The following SLC6A15 variants were observed in gnomAD, a reference collection of about 807,000 sequenced individuals.
SLC6A15 encodes the protein solute carrier family 6 member 15, also known as sodium-dependent neutral amino acid transporter B(0)AT2.
SLC6A15 carries 33 observed loss-of-function variants against 68.5 expected under a neutral mutation model. The ratio of observed to expected loss-of-function variants is 0.48; its 90% confidence interval spans 0.37 to 0.64. The LOEUF is 0.64. Among genes scored for constraint, SLC6A15 ranks in the 30% least tolerant of loss-of-function variants. SLC6A15 has a pLI of 0.00. For synonymous variants in SLC6A15, 347 were observed against 301.0 expected, an observed-to-expected ratio of 1.15 and a Z score of -1.58; for missense variants, 747 against 874.3, an observed-to-expected ratio of 0.85 and a Z score of 1.84.
chr12:84,869,017 A>T (rs1276257209), intron 9 of SLC6A15, among the ~76,000 whole-genome samples: 1 of 152,200 alleles, frequency 6.6e-6, no homozygotes, highest in Non-Finnish European at 1.5e-5. Flanking sequence ...TATAGCTATC[A>T]ATATTAACAG....
chr12:84,891,395 T>C (rs565761595), intron 2 of SLC6A15, among the ~76,000 whole-genome samples: 2 of 152,312 alleles, frequency 1.3e-5, no homozygotes, highest in East Asian at 3.9e-4. Flanking sequence ...TATCATTTTG[T>C]ATTTTTTGAA....
chr12:84,886,860 CTAAA>C (rs967815496), intron 2 of SLC6A15, among the ~76,000 whole-genome samples: 1 of 151,868 alleles, frequency 6.6e-6, no homozygotes, highest in African/African-American at 2.4e-5. Context: ...CAAAAGGTAC[CTAAA>C]TAGTTTGACA....
intron 4 of SLC6A15, among the ~76,000 whole-genome samples, chr12:84,884,838 T>C (rs998428153): frequency 2.0e-5 from 3 of 151,914 alleles, no homozygotes; most frequent in African/African-American, 7.2e-5. Flanking sequence ...TTTAGAGTAA[T>C]TATATATTGA....
chr12:84,869,283 C>T (rs1014356175), intron 9 of SLC6A15, among the ~76,000 whole-genome samples: 1 of 151,794 alleles, frequency 6.6e-6, no homozygotes, highest in African/African-American at 2.4e-5. Flanking sequence ...CACGGTGAAA[C>T]CCCGTCTCTA....
intron 1 of SLC6A15, among the ~76,000 whole-genome samples, chr12:84,906,207 T>C (rs146745282): frequency 1.3e-5 from 2 of 152,254 alleles, no homozygotes; most frequent in Non-Finnish European, 2.9e-5. Flanking sequence ...ATCATTAAAC[T>C]GACATAATTA....
chr12:84,903,390 AAAAAT>A (rs1328517089), intron 1 of SLC6A15, among the ~76,000 whole-genome samples: 4 of 152,306 alleles, frequency 2.6e-5, no homozygotes, highest in South Asian at 2.1e-4. Context: ...AAGTATAACA[AAAAAT>A]AAAATAAAAT....
chr12:84,883,341 C>T (rs1871919413), intron 5 of SLC6A15: 3 of 990,620 alleles, frequency 3.0e-6, no homozygotes, highest in Non-Finnish European at 3.6e-6. Context: ...CTCTGAATTC[C>T]TTGTTGGAAT....
Position 84,883,140 on chromosome 12 carries a change from G to T in SLC6A15, c.756+719C>A, listed in dbSNP as rs1466519465. 1.6e-5 allele frequency: 16 copies of T among 977,646 alleles called. No individual in the cohort carries two copies. The Admixed American group carries it at 3.2e-4, about 19-fold the overall frequency. The allele number at this position is 977,646 out of a possible 1,614,324, so 60.6% of individuals were successfully genotyped here. A position where few individuals can be genotyped will look rare whatever the true frequency, so the allele number is the denominator to read the frequency against. ...AGATGTGGAGAGCTTTAGAACAATG[G>T]CTGTGATAATGAAAAAAAAAAAAAA... On this transcript the variant is annotated intron_variant, in intron 5 of 11. Transcript: ENST00000266682.
intron 11 of SLC6A15, 131 bp downstream of exon 11, chr12:84,863,308 C>G: frequency 1.6e-6 from 1 of 627,282 alleles, no homozygotes. Flanking sequence ...ACGTAAATCT[C>G]ATATCCTTGC....
intron 5 of SLC6A15, chr12:84,882,110 A>G (rs755440092): frequency 3.0e-6 from 3 of 985,314 alleles, no homozygotes; most frequent in African/African-American, 1.7e-5. Context: ...AAGTGATGCT[A>G]AGACACAGAC....
intron 1 of SLC6A15, among the ~76,000 whole-genome samples, chr12:84,898,560 T>A (rs1182896528): frequency 6.6e-6 from 1 of 152,148 alleles, no homozygotes; most frequent in Non-Finnish European, 1.5e-5. Context: ...CACTTATGAT[T>A]TTATGACCCT....
Position 84,876,514 on chromosome 12 carries a change from G to A in SLC6A15, c.850C>T (p.His284Tyr). The A allele has an allele frequency of 5.7e-6, 9 of 1,584,512 alleles. No homozygotes were observed. Among genetic ancestry groups the A allele is most frequent in the Non-Finnish European group, 7.7e-6 (9 of 1,161,440 alleles). Residue 284 changes from histidine to tyrosine, a missense_variant, in exon 6 of 12, where the codon CAC becomes TAC. By Grantham distance (83) the His-to-Tyr change is moderately conservative. Coordinates refer to ENST00000266682, the MANE Select transcript of SLC6A15 (RefSeq NM_182767.6). ...LLNGSIDGIR[H>Y]MFTPKLEIML... Reference sequence around the variant, plus strand: ...GTACATACCTTAGGGGTAAACATGTGGCGAATGCCATCAATTGAACCATTT... The same window carrying A: ...GTACATACCTTAGGGGTAAACATGTAGCGAATGCCATCAATTGAACCATTT...
chr12:84,861,569 C>T lies in SLC6A15; in HGVS notation c.*63G>A, dbSNP rs2120519872. 6.6e-7 allele frequency: 1 copy of T among 1,523,708 alleles called. No individual in the cohort carries two copies. Among genetic ancestry groups the T allele is most frequent in the South Asian group, 1.3e-5 (1 of 76,996 alleles). 94.4% of individuals were successfully genotyped at this position (1,523,708 alleles called of 1,614,324 possible). ...TGATAAGTGAAGCCTAATGCTTCTC[C>T]TACTAGGGCCAATGTTCATTGGTAA... is the stretch of plus-strand genomic sequence containing the variant. On this transcript the variant is annotated 3_prime_UTR_variant, in exon 12 of 12. Transcript: ENST00000266682.
At chr12:84,869,333 G>A (rs886966406) in intron 9 of SLC6A15, among the ~76,000 whole-genome samples, 3 of 151,958 alleles carry the variant, frequency 2.0e-5, no homozygotes, top group Non-Finnish European at 4.4e-5. Flanking sequence ...GTGTTGGCAC[G>A]CGCCTGTAGT....
At chr12:84,890,992 A>T (rs1398584351) in intron 2 of SLC6A15, among the ~76,000 whole-genome samples, 1 of 152,186 alleles carries the variant, frequency 6.6e-6, no homozygotes, top group Admixed American at 6.5e-5. Flanking sequence ...ATAACATTTC[A>T]ATCCAATGTT....
intron 8 of SLC6A15, among the ~76,000 whole-genome samples, chr12:84,871,891 G>GC (rs1871300471): frequency 6.6e-6 from 1 of 152,104 alleles, no homozygotes; most frequent in South Asian, 2.1e-4. Context: ...GGTGGCTGAG[G>GC]CCTGTAATCA....
intron 1 of SLC6A15, among the ~76,000 whole-genome samples, chr12:84,908,768 G>A (rs1442935335): frequency 6.6e-6 from 1 of 151,556 alleles, no homozygotes; most frequent in African/African-American, 2.4e-5. Flanking sequence ...ATATATTCAA[G>A]CTAATATGTG....
chr12:84,899,575 T>C (rs1872766623), intron 1 of SLC6A15, among the ~76,000 whole-genome samples: 2 of 152,178 alleles, frequency 1.3e-5, no homozygotes, highest in African/African-American at 4.8e-5. Context: ...TTTGAGCTCC[T>C]GTGACTGCCA....
At chr12:84,909,171 T>C (rs79090052) in intron 1 of SLC6A15, among the ~76,000 whole-genome samples, 6,090 of 152,246 alleles carry the variant, frequency 0.04, 383 homozygotes, top group African/African-American at 0.13. Context: ...TTTCTTCTAC[T>C]GTCTTCTGTA....
Sources: allele counts gnomAD v4.1 joint callset (sites outside exome capture counted in the v4.1 genomes callset), GRCh38; gene constraint gnomAD v4.1.1; transcripts MANE v1.5; gene names NCBI Gene and HGNC (gene_info 2026-07-23, HGNC 2026-07-21).